Variants in FAM167A observed in about 807,000 individuals in gnomAD.
The protein encoded by FAM167A is protein FAM167A.
Under a neutral mutation model 14.9 loss-of-function variants are expected in FAM167A, and 23 were observed. The ratio of observed to expected loss-of-function variants is 1.55; its 90% CI spans 1.11 to 2.19. The LOEUF (loss-of-function observed/expected upper bound fraction) is 2.19, where lower values mean the gene tolerates loss of function less well. Ranked by LOEUF, FAM167A falls within the 30% of genes most tolerant of loss-of-function variation. The pLI is 0.00. For synonymous variants in FAM167A, 174 were observed against 117.7 expected (o/e 1.48, Z -3.10); for missense variants, 401 against 281.5 (o/e 1.42, Z -3.04).
In FAM167A at chr8:11,424,407, A is replaced by C; in HGVS notation, c.611T>G (p.Met204Arg). The change falls in exon 3 of 3, where the codon ATG (methionine) becomes AGG (arginine). Residue 204 changes from methionine to arginine, a missense_variant. Coordinates refer to ENST00000284486, the MANE Select transcript of FAM167A (RefSeq NM_053279.3). Reference sequence around the variant, plus strand: ...AGAGAACCTCCGAGAGTTGATGTTCATCTTGGTCACGCCAATAAGCTTGAG... The same window carrying C: ...AGAGAACCTCCGAGAGTTGATGTTCCTCTTGGTCACGCCAATAAGCTTGAG... The part of the protein sequence containing the change: ...TPLKLIGVTK[M>R]NINSRRFSLC 6.2e-7 allele frequency: 1 copy of C among 1,614,074 alleles called. No homozygotes were observed.
chr8:11,450,925 G>A (rs1806997571), intron 1 of FAM167A, among the ~76,000 whole-genome samples: 1 of 152,206 alleles, frequency 6.6e-6, no homozygotes, highest in Non-Finnish European at 1.5e-5. Context: ...GACAGGAACA[G>A]CTGCAGCTCA....
chr8:11,466,040 G>C (rs181242748), intron 1 of FAM167A, among the ~76,000 whole-genome samples: 98 of 152,172 alleles, frequency 6.4e-4, no homozygotes, highest in African/African-American at 2.1e-3. Flanking sequence ...TCTGTGCTCC[G>C]GTGTCTCGGT....
intron 1 of FAM167A, among the ~76,000 whole-genome samples, chr8:11,451,920 C>A (rs543511454): frequency 6.6e-6 from 1 of 152,300 alleles, no homozygotes; most frequent in African/African-American, 2.4e-5. Context: ...CACCTGACAG[C>A]CTTACAATAA....
At chr8:11,438,360 G>A (rs924283346) in intron 2 of FAM167A, 5 of 444,616 alleles carry the variant, frequency 1.1e-5, no homozygotes, top group Non-Finnish European at 2.3e-5. Flanking sequence ...CATCAAACAG[G>A]AATGTTGGGA....
Position 11,424,646 on chromosome 8 carries a change from A to C in FAM167A, c.382-10T>G. 1.2e-6 allele frequency: 2 copies of C among 1,612,568 alleles called. No individual in the cohort carries two copies. Among genetic ancestry groups the C allele is most frequent in the South Asian group, 1.1e-5 (1 of 91,032 alleles). On this transcript the variant is annotated splice_polypyrimidine_tract_variant and intron_variant, in intron 2 of 2. Transcript: ENST00000284486. ...GCAGCCGCATCTCCGTCTGGAAGGGAGGGGGAGCAGGCAGGGTCAGCAGAG... is the reference window on the plus strand; with the variant it reads ...GCAGCCGCATCTCCGTCTGGAAGGGCGGGGGAGCAGGCAGGGTCAGCAGAG...
chr8:11,453,167 C>T (rs984223496), intron 1 of FAM167A, among the ~76,000 whole-genome samples: 1 of 152,190 alleles, frequency 6.6e-6, no homozygotes, highest in Non-Finnish European at 1.5e-5. Context: ...CCCTTAATAA[C>T]TTTCCTACTA....
chr8:11,465,872 A>G (rs563956799), intron 1 of FAM167A, among the ~76,000 whole-genome samples: 4 of 152,190 alleles, frequency 2.6e-5, no homozygotes, highest in Admixed American at 1.3e-4. Flanking sequence ...CCAGCCCCCA[A>G]CCTAGAGTCA....
chr8:11,436,615 A>G (rs1475259082), intron 2 of FAM167A, among the ~76,000 whole-genome samples: 42 of 152,296 alleles, frequency 2.8e-4, no homozygotes, highest in Non-Finnish European at 7.4e-5. Context: ...GGCCTCCCCC[A>G]TCTGCAGGCA....
chr8:11,441,617 TC>T (rs1051592536), intron 2 of FAM167A, among the ~76,000 whole-genome samples: 1 of 152,164 alleles, frequency 6.6e-6, no homozygotes, highest in Non-Finnish European at 1.5e-5. Context: ...GCTACCTCTC[TC>T]CCCATAGCTC....
intron 2 of FAM167A, chr8:11,435,228 A>G (rs1243005285): frequency 2.4e-5 from 10 of 415,336 alleles, no homozygotes. Flanking sequence ...TCCACCTGTC[A>G]CCCTTCAGGA....
At chr8:11,451,240 C>A (rs918872847) in intron 1 of FAM167A, among the ~76,000 whole-genome samples, 3 of 152,248 alleles carry the variant, frequency 2.0e-5, no homozygotes, top group African/African-American at 7.2e-5. Flanking sequence ...AAGGGTCTAA[C>A]TGGAGAGCAA....
intron 1 of FAM167A, among the ~76,000 whole-genome samples, chr8:11,456,431 AGTGT>A (rs1336734825): frequency 2.5e-5 from 1 of 39,216 alleles, no homozygotes; most frequent in African/African-American, 1.0e-4. Flanking sequence ...TGGGTGTATG[AGTGT>A]GTGAGTGTGG....
intron 2 of FAM167A, among the ~76,000 whole-genome samples, chr8:11,437,524 G>A (rs1174192219): frequency 6.6e-6 from 1 of 152,184 alleles, no homozygotes; most frequent in Non-Finnish European, 1.5e-5. Flanking sequence ...GGTAGAATCT[G>A]ACTTGAAGTT....
At chr8:11,442,107 C>G (rs1222128013) in intron 2 of FAM167A, among the ~76,000 whole-genome samples, 1 of 152,198 alleles carries the variant, frequency 6.6e-6, no homozygotes, top group Non-Finnish European at 1.5e-5. Flanking sequence ...AATTTCTGCT[C>G]TGCTGTTGGC....
At chr8:11,468,246 A>G (rs1176982516), upstream of FAM167A, among the ~76,000 whole-genome samples, 2 of 152,216 alleles carry the variant, frequency 1.3e-5, no homozygotes, top group Non-Finnish European at 2.9e-5. Context: ...ATTAACAGCT[A>G]GCTTGGCTGC....
intron 1 of FAM167A, chr8:11,445,212 T>C (rs9792397): frequency 0.63 from 622,501 of 984,678 alleles, 197,080 homozygotes; most frequent in East Asian, 0.68. Context: ...CCACAGGTCT[T>C]TCCTCTCTGT....
chr8:11,426,085 A>T (rs911672605), intron 2 of FAM167A, among the ~76,000 whole-genome samples: 1 of 152,230 alleles, frequency 6.6e-6, no homozygotes, highest in Non-Finnish European at 1.5e-5. Flanking sequence ...CTTGGCCTCC[A>T]CAACTGTCCT....
chr8:11,474,063 T>C (rs56150706), intron 1 of FAM167A, among the ~76,000 whole-genome samples: 28,972 of 151,932 alleles, frequency 0.19, 3,008 homozygotes, highest in Non-Finnish European at 0.22. Context: ...TTAGTAGAGA[T>C]GGGGTTTCAC....
chr8:11,433,054 G>A (rs548660762), intron 2 of FAM167A, among the ~76,000 whole-genome samples: 21 of 152,176 alleles, frequency 1.4e-4, no homozygotes, highest in South Asian at 4.2e-4. Flanking sequence ...TCACATACCC[G>A]GGCCTGTTGG....
Sources: gnomAD v4.1 joint callset for allele counts (sites outside exome capture counted in the v4.1 genomes callset) on GRCh38, gnomAD v4.1.1 for gene constraint, MANE v1.5 for transcripts, NCBI Gene and HGNC (gene_info 2026-07-23, HGNC 2026-07-21) for gene names.